Variants in PLS1 observed in about 807,000 individuals in gnomAD.
PLS1 encodes plastin-1.
PLS1 carries 32 observed loss-of-function variants against 73.7 expected under a neutral mutation model. The ratio of observed to expected loss-of-function variants is 0.43; its 90% confidence interval spans 0.33 to 0.58. The LOEUF (loss-of-function observed/expected upper bound fraction) is 0.58. Among genes scored for constraint, PLS1 ranks in the 20% least tolerant of loss-of-function variants. PLS1 has a pLI of 0.04. For missense variants in PLS1, 633 were observed against 740.5 expected (o/e 0.85, Z 1.68); for synonymous variants, 217 against 261.3 (o/e 0.83, Z 1.63).
chr3:142,653,208 C>T (rs1208531456), intron 1 of PLS1, among the ~76,000 whole-genome samples: 5 of 152,092 alleles, frequency 3.3e-5, no homozygotes, highest in African/African-American at 1.2e-4. Flanking sequence ...GTTTTCTTCA[C>T]GTCTTTGGTC....
At chr3:142,683,911 G>T in intron 6 of PLS1, 95 bp from the exon 7 acceptor site, 2 of 792,852 alleles carry the variant, frequency 2.5e-6, no homozygotes, top group Non-Finnish European at 2.0e-6. Flanking sequence ...TTATAAATCT[G>T]AAATTTGGCA....
At chr3:142,709,396 C>T (rs1017659508) in intron 14 of PLS1, among the ~76,000 whole-genome samples, 4 of 152,192 alleles carry the variant, frequency 2.6e-5, no homozygotes, top group African/African-American at 9.7e-5. Flanking sequence ...CTCTCTCTTA[C>T]CCCTGCCCAG....
At chr3:142,681,724 C>T (rs1183249217) in intron 6 of PLS1, among the ~76,000 whole-genome samples, 1 of 152,166 alleles carries the variant, frequency 6.6e-6, no homozygotes, top group Non-Finnish European at 1.5e-5. Context: ...AGCAACTTCT[C>T]CATGGGGTTC....
At chr3:142,689,509 G>T in intron 9 of PLS1, 109 bp from the exon 10 acceptor site, 1 of 465,726 alleles carries the variant, frequency 2.1e-6, no homozygotes. Flanking sequence ...CTTATTTTGA[G>T]TTATTATTTG....
At chr3:142,604,778 A>G (rs1228734947) in intron 1 of PLS1, among the ~76,000 whole-genome samples, 1 of 152,032 alleles carries the variant, frequency 6.6e-6, no homozygotes, top group African/African-American at 2.4e-5. Flanking sequence ...ACTAAAAAAT[A>G]CAAATAATTA....
In PLS1 at chr3:142,697,982, A is replaced by G. The variant is rs751182586; in HGVS notation, c.1286A>G (p.Gln429Arg). The change falls in exon 12 of 16, where the codon CAG becomes CGG. Residue 429 changes from glutamine to arginine, a missense_variant. Physicochemically the swap from Gln to Arg is conservative, Grantham distance 43. Coordinates refer to ENST00000457734, the MANE Select transcript of PLS1 (RefSeq NM_001145319.2). ...SDLADALVIF[Q>R]LYEMIRVPVN... is the part of the protein sequence containing the mutation. Reference sequence around the variant, plus strand: ...CTTGCAGATGCTTTAGTGATCTTTCAGCTCTATGAGATGATCCGAGTGCCA... The same window carrying G: ...CTTGCAGATGCTTTAGTGATCTTTCGGCTCTATGAGATGATCCGAGTGCCA... 1 of 1,612,976 alleles carries G rather than the reference A, an allele frequency of 6.2e-7. No individual in the cohort carries two copies. Among genetic ancestry groups the G allele is most frequent in the Non-Finnish European group, 8.5e-7 (1 of 1,179,064 alleles).
At chr3:142,620,884 G>A (rs887612304) in intron 1 of PLS1, among the ~76,000 whole-genome samples, 2 of 152,096 alleles carry the variant, frequency 1.3e-5, no homozygotes, top group African/African-American at 4.8e-5. Context: ...TGGGCGCGGT[G>A]GCAGGTGCCT....
At chr3:142,644,551 C>A (rs928013059) in intron 1 of PLS1, among the ~76,000 whole-genome samples, 1 of 152,218 alleles carries the variant, frequency 6.6e-6, no homozygotes, top group Admixed American at 6.5e-5. Flanking sequence ...CGGTGCCTGA[C>A]TTCTTTAGTA....
At chr3:142,644,081 G>A (rs915288492) in intron 1 of PLS1, among the ~76,000 whole-genome samples, 1 of 152,064 alleles carries the variant, frequency 6.6e-6, no homozygotes, top group Non-Finnish European at 1.5e-5. Flanking sequence ...TCCCGCCTCA[G>A]TCTCCCAAAG....
intron 10 of PLS1, among the ~76,000 whole-genome samples, chr3:142,692,194 C>T (rs1279322483): frequency 2.6e-5 from 4 of 151,992 alleles, no homozygotes; most frequent in African/African-American, 9.7e-5. Context: ...TATGTTAACT[C>T]CTCTTTTCCC....
At chr3:142,682,660 A>T (rs1269977677) in intron 6 of PLS1, among the ~76,000 whole-genome samples, 1 of 152,232 alleles carries the variant, frequency 6.6e-6, no homozygotes, top group Non-Finnish European at 1.5e-5. Context: ...CAACTGGAGC[A>T]AACATCATTT....
intron 1 of PLS1, among the ~76,000 whole-genome samples, chr3:142,647,079 G>A (rs948535468): frequency 6.6e-6 from 1 of 152,156 alleles, no homozygotes; most frequent in African/African-American, 2.4e-5. Flanking sequence ...CTAAATACAA[G>A]GTGTAGCATG....
chr3:142,620,146 G>T (rs2036288129), intron 1 of PLS1, among the ~76,000 whole-genome samples: 1 of 150,986 alleles, frequency 6.6e-6, no homozygotes, highest in Non-Finnish European at 1.5e-5. Flanking sequence ...TCTTTTTGAG[G>T]CAGAGTCTTG....
chr3:142,623,025 CATAG>C (rs2036346203), intron 1 of PLS1, among the ~76,000 whole-genome samples: 2 of 152,076 alleles, frequency 1.3e-5, no homozygotes, highest in Non-Finnish European at 2.9e-5. Flanking sequence ...CAGGAGTTAT[CATAG>C]CACGCTACAG....
chr3:142,689,637 G>A lies in PLS1; in HGVS notation c.1001G>A (p.Arg334His), dbSNP rs201261147. Residue 334 changes from arginine to histidine, a missense_variant, in exon 10 of 16, where the codon CGT becomes CAT. Physicochemically the swap from Arg to His is conservative, Grantham distance 29 (BLOSUM62 0). Coordinates refer to ENST00000457734, the MANE Select transcript of PLS1 (RefSeq NM_001145319.2). The stretch of plus-strand genomic sequence containing the variant: ...GTTTAGGAGACAAATGACCTGAAGC[G>A]TGCTGGACTCATGCTTCAAGAAGCA... ...SGINETNDLK[R>H]AGLMLQEADK... 2.6e-5 allele frequency: 42 copies of A among 1,604,848 alleles called. No individual in the cohort carries two copies. In the Admixed American group the frequency reaches 3.6e-4, roughly 14 times the overall value.
chr3:142,620,396 G>A (rs1381565875), intron 1 of PLS1, among the ~76,000 whole-genome samples: 1 of 152,106 alleles, frequency 6.6e-6, no homozygotes, highest in African/African-American at 2.4e-5. Flanking sequence ...CAAAGTGTTG[G>A]GGTTACAGGC....
intron 10 of PLS1, among the ~76,000 whole-genome samples, chr3:142,692,692 T>C (rs990899073): frequency 6.6e-6 from 1 of 152,138 alleles, no homozygotes; most frequent in South Asian, 2.1e-4. Context: ...TATTTTAAAA[T>C]ATTATTCACT....
intron 1 of PLS1, among the ~76,000 whole-genome samples, chr3:142,620,557 A>T (rs2108560477): frequency 6.6e-6 from 1 of 152,358 alleles, no homozygotes; most frequent in African/African-American, 2.4e-5. Context: ...CTTGCCCCGA[A>T]GGTGCATTTA....
intron 14 of PLS1, among the ~76,000 whole-genome samples, chr3:142,706,601 A>T (rs1443085899): frequency 1.3e-5 from 2 of 152,216 alleles, no homozygotes; most frequent in Non-Finnish European, 2.9e-5. Context: ...TAGGAATACC[A>T]ATCTGAATGT....
Sources: allele counts gnomAD v4.1 joint callset (sites outside exome capture counted in the v4.1 genomes callset), GRCh38; gene constraint gnomAD v4.1.1; transcripts MANE v1.5; gene names NCBI Gene and HGNC (gene_info 2026-07-23, HGNC 2026-07-21).